EDC3: variants seen among roughly 807,000 people sequenced by gnomAD.
The protein encoded by EDC3 is enhancer of mRNA decapping 3.
Under a neutral mutation model 41.8 loss-of-function variants are expected in EDC3, and 20 were observed. The observed-to-expected ratio is 0.48, with a 90% CI of 0.34 to 0.70. The LOEUF is 0.70. EDC3 is among the 30% of genes least tolerant of loss of function. EDC3 has a pLI of 0.01. For synonymous variants in EDC3, 206 were observed against 243.2 expected, an observed-to-expected ratio of 0.85 and a Z score of 1.42; for missense variants, 444 against 636.8, an observed-to-expected ratio of 0.70 and a Z score of 3.26.
chr15:74,662,024 C>A (rs1168190617), intron 3 of EDC3, among the ~76,000 whole-genome samples: 1 of 152,180 alleles, frequency 6.6e-6, no homozygotes, highest in Non-Finnish European at 1.5e-5. Context: ...TGAAAAAATT[C>A]TTCAAATACT....
chr15:74,681,310 G>A (rs573165194), intron 1 of EDC3, among the ~76,000 whole-genome samples: 6 of 152,134 alleles, frequency 3.9e-5, no homozygotes, highest in African/African-American at 1.4e-4. Flanking sequence ...CCACCACCAC[G>A]CCTGGCTAAT....
chr15:74,648,969 G>A (rs1431855993), intron 4 of EDC3, among the ~76,000 whole-genome samples: 3 of 152,042 alleles, frequency 2.0e-5, no homozygotes, highest in Non-Finnish European at 4.4e-5. Flanking sequence ...TGTTGCCCAG[G>A]CTGGTCTTGA....
chr15:74,655,569 G>A (rs1335417442), intron 4 of EDC3, among the ~76,000 whole-genome samples, 164 bp downstream of exon 4: 1 of 152,146 alleles, frequency 6.6e-6, no homozygotes, highest in Non-Finnish European at 1.5e-5. Context: ...GCAGAATGCT[G>A]TTATTGGCTG....
Position 74,675,008 on chromosome 15 carries a change from C to A in EDC3, c.117G>T (p.Arg39=). ...GACACTTCACTCCATTATGGAAAGG[C>A]CGGGTGAGAGAAATGGTCTGGCTGA... is the stretch of plus-strand genomic sequence containing the variant. ...DQVSQTISLT[R]PFHNGVKCLV... is the part of the protein sequence containing the mutation. Residue 39 remains arginine (R), a synonymous_variant, in exon 2 of 7, where the codon CGG becomes CGT. Coordinates refer to ENST00000315127, the MANE Select transcript of EDC3 (RefSeq NM_025083.5). The A allele has an allele frequency of 6.2e-7, 1 of 1,614,100 alleles. No homozygotes were observed. Among genetic ancestry groups the A allele is most frequent in the Non-Finnish European group, 8.5e-7 (1 of 1,180,020 alleles).
At chr15:74,682,278 C>T (rs559688996) in intron 1 of EDC3, among the ~76,000 whole-genome samples, 1 of 152,022 alleles carries the variant, frequency 6.6e-6, no homozygotes, top group East Asian at 1.9e-4. Flanking sequence ...GCCGTGATCC[C>T]ACCACTGCAC....
intron 3 of EDC3, among the ~76,000 whole-genome samples, chr15:74,658,624 GAAAAAAAAAAAAAAAAAA>G (rs60193835): frequency 2.6e-5 from 1 of 39,038 alleles, no homozygotes; most frequent in South Asian, 9.1e-4. Flanking sequence ...TTACGTCTCT[GAAAAAAAAAAAAAAAAAA>G]AAAAAAAAAA....
At chr15:74,650,292 A>G (rs1031550862) in intron 4 of EDC3, among the ~76,000 whole-genome samples, 1 of 152,228 alleles carries the variant, frequency 6.6e-6, no homozygotes, top group Admixed American at 6.5e-5. Flanking sequence ...GTCCAAAGCT[A>G]TATTTTAGTT....
At chr15:74,645,575 G>A (rs923173183) in intron 4 of EDC3, among the ~76,000 whole-genome samples, 1 of 140,484 alleles carries the variant, frequency 7.1e-6, no homozygotes, top group African/African-American at 2.6e-5. Flanking sequence ...GGGGGGGGGG[G>A]GGTGCCAGGC....
chr15:74,647,423 GTTT>G (rs2062430930), intron 4 of EDC3, among the ~76,000 whole-genome samples: 1 of 152,174 alleles, frequency 6.6e-6, no homozygotes, highest in Non-Finnish European at 1.5e-5. Flanking sequence ...CCAATGGGCA[GTTT>G]CATAAAAACT....
intron 1 of EDC3, among the ~76,000 whole-genome samples, chr15:74,680,205 G>A (rs1336717321): frequency 7.0e-6 from 1 of 143,186 alleles, no homozygotes; most frequent in African/African-American, 2.6e-5. Flanking sequence ...AACTTGCAGT[G>A]AGCCACAATC....
intron 5 of EDC3, 52 bp downstream of exon 5, chr15:74,640,414 G>A: frequency 6.3e-7 from 1 of 1,596,826 alleles, no homozygotes; most frequent in Admixed American, 1.7e-5. Context: ...GTGGTGGCCA[G>A]GCAGAGCATC....
At chr15:74,637,196 G>A (rs1428268941) in intron 5 of EDC3, 1 of 152,164 alleles carries the variant, frequency 6.6e-6, no homozygotes, top group Non-Finnish European at 1.5e-5. Flanking sequence ...TACTAACCAC[G>A]GGTCTGATTT....
At chr15:74,677,342 G>A (rs1478317273) in intron 1 of EDC3, among the ~76,000 whole-genome samples, 1 of 147,532 alleles carries the variant, frequency 6.8e-6, no homozygotes, top group Non-Finnish European at 1.5e-5. Context: ...TTACAGGCGT[G>A]AGCCACCATG....
intron 5 of EDC3, 117 bp downstream of exon 5, chr15:74,640,349 T>C (rs2062334421): frequency 4.2e-6 from 5 of 1,184,268 alleles, no homozygotes; most frequent in Non-Finnish European, 6.0e-6. Context: ...GACACTCCCA[T>C]CAGATGAGCA....
chr15:74,664,300 T>C (rs1387541062), intron 3 of EDC3, among the ~76,000 whole-genome samples: 1 of 152,278 alleles, frequency 6.6e-6, no homozygotes, highest in Non-Finnish European at 1.5e-5. Flanking sequence ...AGGGCCTGGC[T>C]CTGCATTAAA....
chr15:74,659,569 C>G (rs2062597139), intron 3 of EDC3, among the ~76,000 whole-genome samples: 1 of 148,902 alleles, frequency 6.7e-6, no homozygotes, highest in Admixed American at 6.7e-5. Flanking sequence ...TATAAAGTGC[C>G]ATAGAAATAT....
chr15:74,645,714 CAA>C (rs745913868), intron 4 of EDC3, among the ~76,000 whole-genome samples: 20 of 99,652 alleles, frequency 2.0e-4, no homozygotes, highest in African/African-American at 3.9e-4. Flanking sequence ...ACTAAAAATA[CAA>C]AAAAAAAAAA....
At chr15:74,646,780 C>G (rs764592808) in intron 4 of EDC3, among the ~76,000 whole-genome samples, 1 of 152,104 alleles carries the variant, frequency 6.6e-6, no homozygotes, top group South Asian at 2.1e-4. Flanking sequence ...AAAGTAAGAA[C>G]AGAAAGACCA....
At chr15:74,670,010 ATTTTTTTTTTTT>A (rs757043746) in intron 3 of EDC3, among the ~76,000 whole-genome samples, 5 of 116,402 alleles carry the variant, frequency 4.3e-5, no homozygotes, top group Non-Finnish European at 7.1e-5. Flanking sequence ...CGCCCAGCTA[ATTTTTTTTTTTT>A]TTTTTTTTTT....
Sources: gnomAD v4.1 joint callset for allele counts (sites outside exome capture counted in the v4.1 genomes callset) on GRCh38, gnomAD v4.1.1 for gene constraint, MANE v1.5 for transcripts, NCBI Gene and HGNC (gene_info 2026-07-23, HGNC 2026-07-21) for gene names.